UGT1A8: variants seen among roughly 807,000 people sequenced by gnomAD.
UGT1A8 encodes the protein UDP-glucuronosyltransferase 1A8.
Under a neutral mutation model 45.3 loss-of-function variants are expected in UGT1A8, and 39 were observed. That is an observed-to-expected ratio of 0.86 (90% CI 0.67 to 1.12). The LOEUF (loss-of-function observed/expected upper bound fraction) is 1.12. UGT1A8 is among the 50% of genes most tolerant of loss of function. The probability of loss-of-function intolerance (pLI) is 0.00; values close to 1 mark genes in which losing one functional copy is unlikely to be tolerated. For missense variants in UGT1A8, 719 were observed against 664.9 expected (o/e 1.08, Z -0.90); for synonymous variants, 275 against 249.2 (o/e 1.10, Z -0.97).
chr2:233,709,022 A>G (rs1052835676), intron 1 of UGT1A8, among the ~76,000 whole-genome samples: 2 of 152,110 alleles, frequency 1.3e-5, no homozygotes, highest in African/African-American at 4.8e-5. Context: ...CCCAAGCAGC[A>G]GGGGCTTCAG....
At chr2:233,766,090 G>A (rs1699047199) in intron 1 of UGT1A8, among the ~76,000 whole-genome samples, 1 of 152,166 alleles carries the variant, frequency 6.6e-6, no homozygotes, top group Admixed American at 6.5e-5. Flanking sequence ...CAAGGACAGA[G>A]GGCTTTCTGT....
chr2:233,697,051 T>C (rs2075372037), intron 1 of UGT1A8, among the ~76,000 whole-genome samples: 1 of 152,152 alleles, frequency 6.6e-6, no homozygotes, highest in Non-Finnish European at 1.5e-5. Flanking sequence ...TTTTTTGTTG[T>C]GTCCTTGTCT....
At chr2:233,713,830 A>G (rs1248419431) in intron 1 of UGT1A8, 3 of 1,613,954 alleles carry the variant, frequency 1.9e-6, no homozygotes, top group African/African-American at 1.3e-5. Context: ...GGGGGCATCA[A>G]CTGTGCCAAC....
intron 1 of UGT1A8, chr2:233,690,644 G>C: frequency 7.8e-7 from 1 of 1,287,608 alleles, no homozygotes. Flanking sequence ...AGGACACCTT[G>C]ACTCCTACAG....
intron 1 of UGT1A8, chr2:233,672,748 A>C: frequency 1.2e-6 from 2 of 1,613,850 alleles, no homozygotes; most frequent in Non-Finnish European, 1.7e-6. Context: ...CATGATCTTC[A>C]TTGGTGGTAT....
intron 1 of UGT1A8, among the ~76,000 whole-genome samples, chr2:233,663,879 T>C (rs761701279): frequency 6.6e-6 from 1 of 152,168 alleles, no homozygotes; most frequent in African/African-American, 2.4e-5. Context: ...TTTGATTCTA[T>C]GAATTTCTCT....
At chr2:233,695,257 C>T (rs1220759210) in intron 1 of UGT1A8, among the ~76,000 whole-genome samples, 1 of 151,850 alleles carries the variant, frequency 6.6e-6, no homozygotes, top group African/African-American at 2.4e-5. Flanking sequence ...TCCTGAGTAG[C>T]TGGGACTATA....
intron 1 of UGT1A8, among the ~76,000 whole-genome samples, chr2:233,626,932 C>T (rs929131707): frequency 6.6e-6 from 1 of 152,000 alleles, no homozygotes; most frequent in Non-Finnish European, 1.5e-5. Flanking sequence ...TTGATGGAAC[C>T]AATCCAGAAA....
At chr2:233,643,786 C>T (rs188286747) in intron 1 of UGT1A8, among the ~76,000 whole-genome samples, 1 of 152,224 alleles carries the variant, frequency 6.6e-6, no homozygotes, top group East Asian at 1.9e-4. Flanking sequence ...AGGACTGGGC[C>T]CTTTCTTTTA....
intron 1 of UGT1A8, among the ~76,000 whole-genome samples, chr2:233,651,315 A>G (rs2073734760): frequency 6.6e-6 from 1 of 152,152 alleles, no homozygotes; most frequent in Non-Finnish European, 1.5e-5. Context: ...GGCTTCCGAG[A>G]TACGGAAAGC....
rs756280025 is a variant in UGT1A8, at chr2:233,723,536, T to TAA, written c.856-43497_856-43496dup. 2.4e-4 allele frequency among the ~76,000 whole-genome samples: 29 copies of TAA among 121,476 alleles called. 1 individual carries two copies. Among genetic ancestry groups the TAA allele is most frequent in the South Asian group, 1.3e-3 (4 of 3,196 alleles). The allele number at this position is 121,476 out of a possible 152,430, so 79.7% of individuals were successfully genotyped here. ...ACAATCTTTTTTTTTTTTTTTTTTTTAATTTATTTTTTTATTGATAATTCT... is the reference window on the plus strand; with the variant it reads ...ACAATCTTTTTTTTTTTTTTTTTTTTAAAATTTATTTTTTTATTGATAATTCT... On this transcript the variant is annotated intron_variant, in intron 1 of 4. Transcript: ENST00000373450.
intron 1 of UGT1A8, among the ~76,000 whole-genome samples, chr2:233,620,280 C>T (rs774354047): frequency 6.6e-6 from 1 of 152,178 alleles, no homozygotes; most frequent in Non-Finnish European, 1.5e-5. Flanking sequence ...ATGCAAGTTG[C>T]AGGACTCTAA....
chr2:233,661,623 T>TTTTCTGTCTTTCTTTC (rs2073965249), intron 1 of UGT1A8, among the ~76,000 whole-genome samples: 1 of 123,952 alleles, frequency 8.1e-6, no homozygotes, highest in Admixed American at 8.3e-5. Flanking sequence ...ACTTACTGAA[T>TTTTCTGTCTTTCTTTC]TTTCTTTCTT....
At chr2:233,635,665 A>T (rs1225540077) in intron 1 of UGT1A8, among the ~76,000 whole-genome samples, 1 of 150,848 alleles carries the variant, frequency 6.6e-6, no homozygotes, top group East Asian at 1.9e-4. Context: ...GAAGGGTAAA[A>T]ACACAGAGAT....
intron 1 of UGT1A8, among the ~76,000 whole-genome samples, chr2:233,621,762 G>A (rs1213101608): frequency 6.6e-6 from 1 of 151,962 alleles, no homozygotes; most frequent in Non-Finnish European, 1.5e-5. Flanking sequence ...TTAAGTTCTA[G>A]GGTACATGTG....
rs375641355 is a variant in UGT1A8 at position 233,663,253 on chromosome 2, C to A, written c.855+44691C>A. On this transcript the variant is annotated intron_variant, in intron 1 of 4. Coordinates refer to ENST00000373450, the MANE Select transcript of UGT1A8 (RefSeq NM_019076.5). ...TGCAATAGAGAAAGAGTAATTAATG[C>A]AGAACTAGCCGTGTGGTAGACCGGA... 2.0e-5 allele frequency among the ~76,000 whole-genome samples: 3 copies of A among 152,280 alleles called. No individual in the cohort carries two copies. The East Asian group carries it at 5.8e-4, about 29-fold the overall frequency.
chr2:233,648,970 C>T (rs1232397027), intron 1 of UGT1A8: 32 of 1,437,028 alleles, frequency 2.2e-5, no homozygotes, highest in Non-Finnish European at 3.0e-5. Flanking sequence ...ACCTGTGATG[C>T]CCAATATGAT....
intron 1 of UGT1A8, among the ~76,000 whole-genome samples, chr2:233,758,476 T>C (rs926458629): frequency 1.3e-5 from 2 of 152,218 alleles, no homozygotes; most frequent in Non-Finnish European, 2.9e-5. Context: ...AGGTTTAAAT[T>C]AAACTGTGAA....
intron 1 of UGT1A8, among the ~76,000 whole-genome samples, chr2:233,724,462 A>G (rs2077262271): frequency 8.2e-6 from 1 of 121,344 alleles, no homozygotes; most frequent in Admixed American, 8.0e-5. Flanking sequence ...TGCCGGGCGG[A>G]GGGGCTCCTC....
Sources: allele counts gnomAD v4.1 joint callset (sites outside exome capture counted in the v4.1 genomes callset), GRCh38; gene constraint gnomAD v4.1.1; transcripts MANE v1.5; gene names NCBI Gene and HGNC (gene_info 2026-07-23, HGNC 2026-07-21).